Variants in YEATS4 observed in about 807,000 individuals in gnomAD.
YEATS4 encodes the protein YEATS domain containing 4.
In YEATS4, 17 loss-of-function variants were observed where a neutral mutation model predicts 30.1. The observed-to-expected ratio is 0.56, with a 90% confidence interval of 0.39 to 0.85. The LOEUF (loss-of-function observed/expected upper bound fraction) is 0.85, where lower values mean the gene tolerates loss of function less well. Ranked by LOEUF, YEATS4 falls within the 40% of genes least tolerant of loss-of-function variation. The pLI is 0.00. For missense variants in YEATS4, 142 were observed against 268.3 expected, an observed-to-expected ratio of 0.53 and a Z score of 3.29; for synonymous variants, 85 against 87.5, an observed-to-expected ratio of 0.97 and a Z score of 0.16.
At chr12:69,399,040 A>T in the YEATS4 span, among the ~76,000 whole-genome samples, 1 of 150,398 alleles carries the variant, frequency 6.6e-6, no homozygotes. Flanking sequence ...CCAGGTACTC[A>T]GGATGCTGAG....
chr12:69,371,012 TA>T (rs767753099), intron 6 of YEATS4, 37 bp downstream of exon 6: 1 of 1,576,624 alleles, frequency 6.3e-7, no homozygotes, highest in East Asian at 2.2e-5. Context: ...AAAAATAACG[TA>T]TTCTGTAATA....
intron 1 of YEATS4, 147 bp from the exon 2 acceptor site, chr12:69,362,641 C>G: frequency 1.9e-6 from 1 of 524,568 alleles, no homozygotes; most frequent in Non-Finnish European, 3.1e-6. Context: ...AAGGATGTGT[C>G]TGAAATTGAT....
chr12:69,412,514 G>A, the YEATS4 span, among the ~76,000 whole-genome samples: 8 of 152,078 alleles, frequency 5.3e-5, no homozygotes, highest in South Asian at 2.1e-4. Flanking sequence ...TTAGCTCGGC[G>A]TGGTGGCAGG....
chr12:69,415,701 A>G, the YEATS4 span, among the ~76,000 whole-genome samples: 1 of 152,210 alleles, frequency 6.6e-6, no homozygotes, highest in Non-Finnish European at 1.5e-5. Flanking sequence ...TACAAAAGCC[A>G]AGACTGTGTA....
chr12:69,406,913 C>G, the YEATS4 span, among the ~76,000 whole-genome samples: 4 of 152,054 alleles, frequency 2.6e-5, no homozygotes, highest in Non-Finnish European at 1.5e-5. Flanking sequence ...TTCCCAGGCT[C>G]AAGTGATCCT....
intron 4 of YEATS4, among the ~76,000 whole-genome samples, chr12:69,367,276 T>A (rs11835902): frequency 0.057 from 8,713 of 152,312 alleles, 498 homozygotes; most frequent in East Asian, 0.28. Context: ...ATTTAAACAT[T>A]TTTTGTGTTT....
chr12:69,402,725 C>CTTT, the YEATS4 span, among the ~76,000 whole-genome samples: 7 of 113,088 alleles, frequency 6.2e-5, no homozygotes, highest in East Asian at 4.9e-4. Flanking sequence ...TCTTTCTTTT[C>CTTT]TTTTTTTTTT....
intron 4 of YEATS4, among the ~76,000 whole-genome samples, chr12:69,367,476 T>C (rs1875480647): frequency 6.6e-6 from 1 of 152,120 alleles, no homozygotes; most frequent in Non-Finnish European, 1.5e-5. Context: ...CAAACAGTCC[T>C]CTGCCTCAGC....
the YEATS4 span, among the ~76,000 whole-genome samples, chr12:69,412,087 C>T: frequency 2.0e-5 from 3 of 152,240 alleles, no homozygotes; most frequent in East Asian, 1.9e-4. Flanking sequence ...AGTCCAGACA[C>T]GAGGTGATGA....
At chr12:69,403,834 C>T in the YEATS4 span, among the ~76,000 whole-genome samples, 3 of 152,118 alleles carry the variant, frequency 2.0e-5, no homozygotes, top group African/African-American at 7.2e-5. Flanking sequence ...GTTTTCAGGG[C>T]TTATTTTATA....
At chr12:69,371,913 G>C (rs1455760514) in intron 6 of YEATS4, among the ~76,000 whole-genome samples, 1 of 152,190 alleles carries the variant, frequency 6.6e-6, no homozygotes, top group Non-Finnish European at 1.5e-5. Flanking sequence ...ACCTAAAGGG[G>C]TAAAGGAGTG....
chr12:69,413,511 C>CG, the YEATS4 span, among the ~76,000 whole-genome samples: 3 of 17,750 alleles, frequency 1.7e-4, no homozygotes, highest in Non-Finnish European at 2.6e-4. Flanking sequence ...GTCTTCAACG[C>CG]CCCCCCCATC....
chr12:69,365,671 A>C lies in YEATS4; in HGVS notation c.210A>C (p.Leu70Phe). The change falls in exon 3 of 7, where the codon TTA (leucine) becomes TTC (phenylalanine). Residue 70 changes from leucine to phenylalanine, a missense_variant. Physicochemically the swap from Leu to Phe is conservative, Grantham distance 22. Around this residue, in one of 3 missense-constraint regions of YEATS4, gnomAD observed 64 missense variants for 164.0 expected, o/e 0.39. Transcript: ENST00000247843. The stretch of plus-strand genomic sequence containing the variant: ...ATGTGAAGAAAATCCAGTTTAAATT[A>C]CATGAAAGCTATGGCAATCCTTTAA... ...SAYVKKIQFKLHESYGNPLRV... is the reference protein window; with the variant it reads ...SAYVKKIQFKFHESYGNPLRV... 1 of 1,611,900 alleles carries C rather than the reference A, an allele frequency of 6.2e-7. No individual in the cohort carries two copies. The highest frequency in any genetic ancestry group is 8.5e-7 in the Non-Finnish European group (1 of 1,178,390).
chr12:69,376,243 G>C (rs371528327), intron 6 of YEATS4, among the ~76,000 whole-genome samples: 1 of 152,212 alleles, frequency 6.6e-6, no homozygotes, highest in Non-Finnish European at 1.5e-5. Context: ...GCATGTGCCT[G>C]TAATCCCAGC....
chr12:69,373,291 G>A (rs1055161475), intron 6 of YEATS4, among the ~76,000 whole-genome samples: 2 of 151,850 alleles, frequency 1.3e-5, no homozygotes, highest in Admixed American at 6.6e-5. Context: ...CTGCATCCTC[G>A]CCTGCATTTG....
chr12:69,375,641 C>T (rs537091997), intron 6 of YEATS4, among the ~76,000 whole-genome samples: 2 of 152,242 alleles, frequency 1.3e-5, no homozygotes, highest in African/African-American at 4.8e-5. Context: ...GAGACTCCGT[C>T]TGCAATCCCG....
chr12:69,372,515 C>G (rs1431741835), intron 6 of YEATS4, among the ~76,000 whole-genome samples: 1 of 145,434 alleles, frequency 6.9e-6, no homozygotes, highest in Non-Finnish European at 1.5e-5. Context: ...CGTCATTCTA[C>G]TCTGTTTTCT....
At chr12:69,373,293 C>T (rs1875714718) in intron 6 of YEATS4, among the ~76,000 whole-genome samples, 1 of 152,180 alleles carries the variant, frequency 6.6e-6, no homozygotes. Context: ...GCATCCTCGC[C>T]TGCATTTGTT....
chr12:69,422,194 A>T, the YEATS4 span, among the ~76,000 whole-genome samples: 1 of 152,184 alleles, frequency 6.6e-6, no homozygotes, highest in African/African-American at 2.4e-5. Flanking sequence ...TGGGATGAAG[A>T]GAGTGAGCAA....
Sources: allele counts gnomAD v4.1 joint callset (sites outside exome capture counted in the v4.1 genomes callset), GRCh38; gene constraint gnomAD v4.1.1; regional missense constraint gnomAD v4.1.1; transcripts MANE v1.5; gene names NCBI Gene and HGNC (gene_info 2026-07-23, HGNC 2026-07-21).